The following ASIC2 variants were observed in gnomAD, a reference collection of about 807,000 sequenced individuals.
The protein encoded by ASIC2 is acid sensing ion channel subunit 2.
ASIC2 carries 25 observed loss-of-function variants against 57.3 expected under a neutral mutation model. The ratio of observed to expected loss-of-function variants is 0.44; its 90% confidence interval spans 0.32 to 0.61. The LOEUF is 0.61. Ranked by LOEUF, ASIC2 falls within the 20% of genes least tolerant of loss-of-function variation. ASIC2 has a pLI of 0.06. For synonymous variants in ASIC2, 319 were observed against 307.5 expected (o/e 1.04, Z -0.39); for missense variants, 641 against 738.1 (o/e 0.87, Z 1.52).
chr17:33,020,078 C>T (rs555572501), intron 7 of ASIC2, among the ~76,000 whole-genome samples: 20 of 152,212 alleles, frequency 1.3e-4, no homozygotes, highest in African/African-American at 4.6e-4. Flanking sequence ...GGCTGAGTGA[C>T]AGCCACTTTA....
chr17:34,142,198 A>C (rs1347859149), intron 1 of ASIC2, among the ~76,000 whole-genome samples: 2 of 152,172 alleles, frequency 1.3e-5, no homozygotes, highest in African/African-American at 4.8e-5. Context: ...GTGGAAACTG[A>C]AATTACCTAC....
Position 34,156,589 on chromosome 17 carries a change from C to A in ASIC2, c.-57G>T, listed in dbSNP as rs1904732185. On this transcript the variant is annotated 5_prime_UTR_variant, in exon 1 of 10. Transcript: ENST00000359872. The surrounding 1 kb of genome is among the most constrained non-coding windows in gnomAD (Gnocchi z 4.4). The stretch of plus-strand genomic sequence containing the variant: ...AGGTTGATCGAATTTCAGAGAAGAG[C>A]TCCCAGTCCTCGGGCTCTGCTTAAA... 2.7e-6 allele frequency: 4 copies of A among 1,504,984 alleles called. No homozygotes were observed. Among genetic ancestry groups the A allele is most frequent in the Non-Finnish European group, 3.6e-6 (4 of 1,119,260 alleles). The allele number at this position is 1,504,984 out of a possible 1,614,324, so 93.2% of individuals were successfully genotyped here. A position where few individuals can be genotyped will look rare whatever the true frequency, so the allele number is the denominator to read the frequency against.
At chr17:34,070,907 T>A (rs1414226794) in intron 1 of ASIC2, 1 of 152,304 alleles carries the variant, frequency 6.6e-6, no homozygotes. Context: ...GCCCTCCCAC[T>A]CTTACAAAGC....
chr17:34,031,834 C>A, intron 1 of ASIC2, among the ~76,000 whole-genome samples: 1 of 152,186 alleles, frequency 6.6e-6, no homozygotes. Flanking sequence ...AAGAAACAAA[C>A]AAAGCCTCCA....
chr17:33,869,179 T>C (rs891469807), intron 1 of ASIC2, among the ~76,000 whole-genome samples: 1 of 152,120 alleles, frequency 6.6e-6, no homozygotes, highest in East Asian at 1.9e-4. Context: ...TAGCTATCAG[T>C]AAAATGCACA....
intron 1 of ASIC2, among the ~76,000 whole-genome samples, chr17:33,951,840 CG>C (rs1224785417): frequency 6.6e-6 from 1 of 151,714 alleles, no homozygotes; most frequent in Admixed American, 6.6e-5. Flanking sequence ...GTTATCCACC[CG>C]TCTTGGCCTC....
chr17:33,413,472 C>T (rs538543895), intron 1 of ASIC2, among the ~76,000 whole-genome samples: 1 of 152,228 alleles, frequency 6.6e-6, no homozygotes, highest in Non-Finnish European at 1.5e-5. Flanking sequence ...ACTTCTCTCC[C>T]TCTCTGTTGC....
At chr17:33,374,083 C>T (rs1322649080) in intron 1 of ASIC2, among the ~76,000 whole-genome samples, 2 of 152,160 alleles carry the variant, frequency 1.3e-5, no homozygotes, top group Non-Finnish European at 2.9e-5. Flanking sequence ...GCAACCACCA[C>T]CTCCTGGGCT....
rs75125184 is a variant in ASIC2 at position 33,144,573 on chromosome 17, C to T, written c.709-32506G>A. On this transcript the variant is annotated intron_variant, in intron 1 of 9. Transcript: ENST00000225823. ...TCTCTTATGTGTAAGTGAGAGAGTC[C>T]TAATTTAAATAGTAGGGGTTTAATA... 1.7e-3 allele frequency among the ~76,000 whole-genome samples: 258 copies of T among 152,154 alleles called. 3 individuals are homozygous for T. The East Asian group carries it at 0.036, about 21-fold the overall frequency.
At position 33,292,539 on chromosome 17, in the gene ASIC2, C is replaced by A; in HGVS notation, c.-424G>T. ...CGAGTCCCCCCTGCCCCGCCTAACC[C>A]CAGCTTTTACGCTGGTCCTGGGAGA... is the stretch of plus-strand genomic sequence containing the variant. On this transcript the variant is annotated 5_prime_UTR_variant, in exon 1 of 10. Transcript: ENST00000225823. 1 of 985,860 alleles carries A rather than the reference C, an allele frequency of 1.0e-6. No individual in the cohort carries two copies. Among genetic ancestry groups the A allele is most frequent in the Non-Finnish European group, 1.2e-6 (1 of 830,316 alleles). 61.1% of individuals were successfully genotyped at this position (985,860 alleles called of 1,614,324 possible). A position where few individuals can be genotyped will look rare whatever the true frequency, so the allele number is the denominator to read the frequency against.
intron 1 of ASIC2, among the ~76,000 whole-genome samples, chr17:33,271,243 C>T (rs375448754): frequency 4.5e-4 from 69 of 152,094 alleles, no homozygotes; most frequent in South Asian, 2.9e-3. Context: ...TAAATGTTGG[C>T]GAATCCAGGG....
chr17:33,787,597 G>A (rs1007578319), intron 1 of ASIC2, among the ~76,000 whole-genome samples: 3 of 151,938 alleles, frequency 2.0e-5, no homozygotes, highest in Non-Finnish European at 4.4e-5. Flanking sequence ...GAAAAATTGA[G>A]CAAAGGTGTA....
In ASIC2 at chr17:34,012,635, A is replaced by T. The variant is rs559373502; in HGVS notation, c.555+143343T>A. 3.9e-5 allele frequency among the ~76,000 whole-genome samples: 6 copies of T among 152,264 alleles called. No homozygotes were observed. The South Asian group carries it at 8.3e-4, about 21-fold the overall frequency. On this transcript the variant is annotated intron_variant, in intron 1 of 9. Coordinates refer to the ASIC2 transcript ENST00000359872. ...AGAGTGCCCTGTTTAGATTTTCAGT[A>T]TAACCCTCATGCGGCCCAATATCAC... is the stretch of plus-strand genomic sequence containing the variant.
intron 1 of ASIC2, among the ~76,000 whole-genome samples, chr17:33,782,868 C>T (rs1299968353): frequency 6.6e-6 from 1 of 152,202 alleles, no homozygotes; most frequent in Non-Finnish European, 1.5e-5. Context: ...GCCCCCCTGA[C>T]CTTATCTCCT....
chr17:33,267,422 G>A (rs765668980), intron 1 of ASIC2, among the ~76,000 whole-genome samples: 2 of 152,184 alleles, frequency 1.3e-5, no homozygotes, highest in Admixed American at 1.3e-4. Context: ...GACTGAATCT[G>A]ATATAATCTG....
chr17:33,356,995 C>T (rs891305521), intron 1 of ASIC2, among the ~76,000 whole-genome samples: 5 of 128 alleles, frequency 0.039, no homozygotes, highest in Non-Finnish European at 0.077. Flanking sequence ...CCGTCTAGAT[C>T]GGTGGTTCTC....
intron 1 of ASIC2, among the ~76,000 whole-genome samples, chr17:33,176,232 T>C (rs1486630197): frequency 6.6e-6 from 1 of 152,222 alleles, no homozygotes; most frequent in African/African-American, 2.4e-5. Context: ...TGCCTTGAAA[T>C]CTATTGCTTG....
Position 33,344,312 on chromosome 17 carries a change from G to A in ASIC2, c.556-232245C>T, listed in dbSNP as rs924159371. ...CCTGTTGTCAGGTGGTCATTGGCAG[G>A]GACGTACAGATTTGGAAAATGAAGA... On this transcript the variant is annotated intron_variant, in intron 1 of 9. Transcript: ENST00000359872. 4.6e-5 allele frequency among the ~76,000 whole-genome samples: 7 copies of A among 152,276 alleles called. No individual in the cohort carries two copies. In the South Asian group the frequency reaches 1.5e-3, roughly 32 times the overall value.
rs181931018 is a variant in ASIC2, at chr17:33,696,670, C to T, written c.555+459308G>A. On this transcript the variant is annotated intron_variant, in intron 1 of 9. Transcript: ENST00000359872. ...TGCCAACCTCCATGTAGTTGAAAAT[C>T]CATGTCCCCCAAATTTAACTAACAG... Among the ~76,000 whole-genome samples the T allele has an allele frequency of 3.2e-4, 48 of 152,264 alleles. No individual in the cohort carries two copies. The East Asian group carries it at 8.9e-3, about 28-fold the overall frequency.
Sources: gnomAD v4.1 joint callset for allele counts (sites outside exome capture counted in the v4.1 genomes callset) on GRCh38, gnomAD v4.1.1 for gene constraint, Gnocchi (gnomAD v3.1) non-coding constraint, MANE v1.5 for transcripts, NCBI Gene and HGNC (gene_info 2026-07-23, HGNC 2026-07-21) for gene names.